Variants in CDK14 observed in about 807,000 individuals in gnomAD.
The protein encoded by CDK14 is cyclin dependent kinase 14, also known as cyclin-dependent kinase 14.
CDK14 carries 34 observed loss-of-function variants against 60.7 expected under a neutral mutation model. The ratio of observed to expected loss-of-function variants is 0.56; its 90% CI spans 0.43 to 0.75. CDK14 has a LOEUF of 0.75. Ranked by LOEUF, CDK14 falls within the 30% of genes least tolerant of loss-of-function variation. The pLI, the probability that CDK14 is intolerant of heterozygous loss-of-function variation, is 0.00. For missense variants in CDK14, 482 were observed against 564.1 expected, an observed-to-expected ratio of 0.85 and a Z score of 1.47; for synonymous variants, 197 against 203.7, an observed-to-expected ratio of 0.97 and a Z score of 0.28.
chr7:90,601,004 A>G (rs1405485457), intron 1 of CDK14, among the ~76,000 whole-genome samples: 1 of 152,250 alleles, frequency 6.6e-6, no homozygotes, highest in Non-Finnish European at 1.5e-5. Context: ...CATTTACAAT[A>G]TAAAGTGACA....
At chr7:90,987,810 C>A (rs573970418) in intron 10 of CDK14, among the ~76,000 whole-genome samples, 30 of 152,162 alleles carry the variant, frequency 2.0e-4, no homozygotes, top group African/African-American at 7.0e-4. Context: ...TTTAACAGGC[C>A]TGTAGTATAA....
intron 2 of CDK14, among the ~76,000 whole-genome samples, chr7:90,706,767 G>T (rs368740242): frequency 1.1e-4 from 17 of 152,150 alleles, no homozygotes; most frequent in Admixed American, 1.1e-3. Context: ...ATTGTCCATT[G>T]TGACTGAACC....
intron 14 of CDK14, among the ~76,000 whole-genome samples, chr7:91,175,155 A>G (rs1801683652): frequency 6.6e-6 from 1 of 151,194 alleles, no homozygotes. Context: ...CCAATATTCA[A>G]CATTCTTAAA....
chr7:90,658,394 T>A (rs1800795503), intron 2 of CDK14, among the ~76,000 whole-genome samples: 1 of 152,220 alleles, frequency 6.6e-6, no homozygotes, highest in Non-Finnish European at 1.5e-5. Context: ...TACTCTGATC[T>A]TTTCAGCCCT....
chr7:90,972,067 T>C (rs893219533), intron 9 of CDK14, among the ~76,000 whole-genome samples: 1 of 152,248 alleles, frequency 6.6e-6, no homozygotes, highest in African/African-American at 2.4e-5. Context: ...CTTAGAGATA[T>C]AATTTTGTTT....
chr7:90,666,200 A>G (rs901390984), intron 2 of CDK14: 1 of 152,194 alleles, frequency 6.6e-6, no homozygotes, highest in Non-Finnish European at 1.5e-5. Flanking sequence ...CTTGAATACA[A>G]CGTTGCTTGG....
At chr7:91,182,556 TA>T (rs1293927440) in intron 14 of CDK14, among the ~76,000 whole-genome samples, 1 of 151,750 alleles carries the variant, frequency 6.6e-6, no homozygotes. Flanking sequence ...ACATAAAATT[TA>T]AAAAAATAGG....
In CDK14 at chr7:90,704,417, T is replaced by A. The variant is rs185908714; in HGVS notation, c.124-22150T>A. Among the ~76,000 whole-genome samples, 4 of 152,284 alleles carry A rather than the reference T, an allele frequency of 2.6e-5. No individual in the cohort carries two copies. In the East Asian group the frequency reaches 7.7e-4, roughly 29 times the overall value. On this transcript the variant is annotated intron_variant, in intron 2 of 14. Transcript: ENST00000380050. ...ATTGTATGCAAAATTGTATCAGCAA[T>A]GTAGGGAATGCAGAGATGAAGAAAA...
intron 2 of CDK14, among the ~76,000 whole-genome samples, chr7:90,696,423 C>G (rs567338757): frequency 1.3e-5 from 2 of 149,836 alleles, no homozygotes; most frequent in East Asian, 3.9e-4. Context: ...TCACTGCAAC[C>G]TCCGCCTCCC....
intron 14 of CDK14, among the ~76,000 whole-genome samples, chr7:91,162,800 C>T (rs1231516871): frequency 1.3e-5 from 2 of 152,180 alleles, no homozygotes; most frequent in Non-Finnish European, 2.9e-5. Context: ...ACACAAGGCA[C>T]ATGGTAAGCG....
At chr7:91,142,757 A>T (rs960674908) in intron 14 of CDK14, among the ~76,000 whole-genome samples, 1 of 152,268 alleles carries the variant, frequency 6.6e-6, no homozygotes, top group African/African-American at 2.4e-5. Flanking sequence ...AAATATGTGC[A>T]TATAGTTTCA....
chr7:91,043,468 G>T (rs1430948881), intron 10 of CDK14, among the ~76,000 whole-genome samples: 1 of 152,208 alleles, frequency 6.6e-6, no homozygotes, highest in Non-Finnish European at 1.5e-5. Context: ...GAACAAAGTG[G>T]AGCATTTCCA....
chr7:91,107,077 C>T (rs569668694), intron 12 of CDK14, among the ~76,000 whole-genome samples: 139 of 152,320 alleles, frequency 9.1e-4, no homozygotes, highest in African/African-American at 3.3e-3. Context: ...AACTTCCTTT[C>T]TGTTGCCTCA....
At chr7:90,777,166 A>G (rs1805085010) in intron 4 of CDK14, among the ~76,000 whole-genome samples, 1 of 152,294 alleles carries the variant, frequency 6.6e-6, no homozygotes, top group South Asian at 2.1e-4. Context: ...TCTGGTAGAT[A>G]AGAGGATCAT....
chr7:91,009,967 G>A (rs966855373), intron 10 of CDK14, among the ~76,000 whole-genome samples: 20 of 152,044 alleles, frequency 1.3e-4, no homozygotes, highest in African/African-American at 4.8e-4. Context: ...TGGTGCCAGG[G>A]ACAGATTAAA....
intron 14 of CDK14, among the ~76,000 whole-genome samples, chr7:91,153,176 G>A (rs936681122): frequency 6.6e-6 from 1 of 152,172 alleles, no homozygotes; most frequent in African/African-American, 2.4e-5. Context: ...CTAGACTCAG[G>A]AACTTGAATT....
intron 10 of CDK14, among the ~76,000 whole-genome samples, chr7:91,013,656 GTTT>G (rs56934476): frequency 8.1e-6 from 1 of 123,384 alleles, no homozygotes; most frequent in Non-Finnish European, 1.7e-5. Context: ...CATTGCCTCT[GTTT>G]TTTTTTTTTT....
intron 2 of CDK14, among the ~76,000 whole-genome samples, chr7:90,617,417 A>G (rs1799676854): frequency 1.3e-5 from 2 of 152,132 alleles, no homozygotes; most frequent in African/African-American, 4.8e-5. Context: ...AGTTCTTACA[A>G]AGAAACAACT....
intron 4 of CDK14, among the ~76,000 whole-genome samples, chr7:90,786,243 G>A (rs568938613): frequency 4.1e-4 from 62 of 152,300 alleles, no homozygotes; most frequent in Admixed American, 3.0e-3. Flanking sequence ...ACATTCTGTG[G>A]TAATATTAGC....
Sources: gnomAD v4.1 joint callset for allele counts (sites outside exome capture counted in the v4.1 genomes callset) on GRCh38, gnomAD v4.1.1 for gene constraint, MANE v1.5 for transcripts, NCBI Gene and HGNC (gene_info 2026-07-23, HGNC 2026-07-21) for gene names.